Variants in FGF14 observed in about 807,000 individuals in gnomAD.
The protein encoded by FGF14 is fibroblast growth factor 14, also known as fibroblast growth factor homologous factor 4.
A neutral mutation model predicts 25.5 loss-of-function variants in FGF14; 5 were observed. The ratio of observed to expected loss-of-function variants is 0.20; its 90% CI spans 0.10 to 0.41. FGF14 has a LOEUF of 0.41. FGF14 is among the 10% of genes least tolerant of loss of function. The probability of loss-of-function intolerance (pLI) is 1.00; values close to 1 mark genes in which losing one functional copy is unlikely to be tolerated. For missense variants in FGF14, 222 were observed against 320.1 expected (o/e 0.69, Z 2.34); for synonymous variants, 138 against 118.3 (o/e 1.17, Z -1.08).
chr13:102,149,462 T>C (rs1470040680), intron 1 of FGF14, among the ~76,000 whole-genome samples: 1 of 152,198 alleles, frequency 6.6e-6, no homozygotes, highest in African/African-American at 2.4e-5. Context: ...CTGAAGACCC[T>C]GACATCACAC....
intron 1 of FGF14, among the ~76,000 whole-genome samples, chr13:102,042,858 T>C (rs1302443357): frequency 6.6e-6 from 1 of 152,230 alleles, no homozygotes; most frequent in African/African-American, 2.4e-5. Context: ...TAGTTGGGGC[T>C]GCACAATTCT....
intron 1 of FGF14, among the ~76,000 whole-genome samples, chr13:102,370,324 GA>G (rs369716828): frequency 7.4e-4 from 113 of 152,176 alleles, no homozygotes; most frequent in African/African-American, 2.6e-3. Flanking sequence ...ATTAAAAAAT[GA>G]AAAGAACTAT....
chr13:102,001,909 G>C (rs1337591863), intron 1 of FGF14, among the ~76,000 whole-genome samples: 1 of 151,656 alleles, frequency 6.6e-6, no homozygotes. Context: ...GTGGGAACCA[G>C]AGACCCTGAG....
At chr13:101,791,211 C>A (rs2040214522) in intron 3 of FGF14, among the ~76,000 whole-genome samples, 3 of 152,276 alleles carry the variant, frequency 2.0e-5, no homozygotes, top group South Asian at 2.1e-4. Flanking sequence ...GCACTTCCTA[C>A]TTCAAAGGGT....
Position 101,713,067 on chromosome 13 carries a change from T to A in FGF14, c.*9764A>T, listed in dbSNP as rs1172233480. The A allele has an allele frequency of 6.6e-6, 1 of 152,214 alleles. No homozygotes were observed. Among genetic ancestry groups the A allele is most frequent in the Non-Finnish European group, 1.5e-5 (1 of 68,026 alleles). 9.4% of individuals were successfully genotyped at this position (152,214 alleles called of 1,614,324 possible). On this transcript the variant is annotated 3_prime_UTR_variant, in exon 5 of 5. Transcript: ENST00000376143. ...CTACGCAAGAAGTTAAAAAACACAATTGTCACAATCTAAATAATTCTGACT... is the reference window on the plus strand; with the variant it reads ...CTACGCAAGAAGTTAAAAAACACAAATGTCACAATCTAAATAATTCTGACT...
chr13:101,987,380 T>C (rs911402144), intron 1 of FGF14, among the ~76,000 whole-genome samples: 5 of 152,070 alleles, frequency 3.3e-5, no homozygotes, highest in African/African-American at 1.2e-4. Flanking sequence ...CCATTTGCCA[T>C]GATGTTTGCT....
At chr13:101,993,227 C>A in intron 1 of FGF14, among the ~76,000 whole-genome samples, 1 of 149,394 alleles carries the variant, frequency 6.7e-6, no homozygotes. Context: ...AAAACAACTA[C>A]CAACCTGGAA....
chr13:102,261,322 G>A (rs996820990), intron 1 of FGF14, among the ~76,000 whole-genome samples: 6 of 152,184 alleles, frequency 3.9e-5, no homozygotes, highest in African/African-American at 1.4e-4. Context: ...GTTGGATGTT[G>A]TAGAAGAAAA....
intron 1 of FGF14, among the ~76,000 whole-genome samples, chr13:102,151,401 C>T (rs114011028): frequency 3.3e-5 from 5 of 152,088 alleles, no homozygotes; most frequent in African/African-American, 4.8e-5. Flanking sequence ...CATCTTCTTA[C>T]GCCTTATTTT....
intron 1 of FGF14, among the ~76,000 whole-genome samples, chr13:102,155,304 A>G (rs1188225925): frequency 2.0e-5 from 3 of 152,260 alleles, no homozygotes; most frequent in Non-Finnish European, 4.4e-5. Flanking sequence ...AGAAATTATA[A>G]CAAACTGTCT....
intron 1 of FGF14, among the ~76,000 whole-genome samples, chr13:102,157,524 C>G (rs2047402284): frequency 6.6e-6 from 1 of 152,160 alleles, no homozygotes; most frequent in African/African-American, 2.4e-5. Flanking sequence ...GTATTAAAGA[C>G]TTAAATGTTA....
At chr13:102,393,507 A>G (rs2058485547) in intron 1 of FGF14, among the ~76,000 whole-genome samples, 1 of 152,226 alleles carries the variant, frequency 6.6e-6, no homozygotes, top group Non-Finnish European at 1.5e-5. Flanking sequence ...GAGGTTTATA[A>G]AAAAGATTTA....
intron 2 of FGF14, among the ~76,000 whole-genome samples, chr13:101,874,323 AT>A (rs1002359043): frequency 2.0e-5 from 3 of 152,304 alleles, no homozygotes; most frequent in African/African-American, 7.2e-5. Flanking sequence ...TAAGACATAC[AT>A]TAATGAAAAA....
intron 1 of FGF14, among the ~76,000 whole-genome samples, chr13:102,150,937 T>C (rs375308676): frequency 1.3e-5 from 2 of 152,218 alleles, no homozygotes; most frequent in East Asian, 3.9e-4. Flanking sequence ...CCAACTGAAG[T>C]AGGGAGTTTA....
At position 101,720,729 on chromosome 13, in the gene FGF14, T is replaced by TTAAC. The variant is rs1210321183; in HGVS notation, c.*2098_*2101dup. ...GTTAATGGAAGTTATCTAATATATT[T>TTAAC]TAACTGTTCCTGTTAAAAACAATAG... On this transcript the variant is annotated 3_prime_UTR_variant, in exon 5 of 5. Coordinates refer to ENST00000376143, the MANE Select transcript of FGF14 (RefSeq NM_004115.4). 1 of 150,118 alleles carries TTAAC rather than the reference T, an allele frequency of 6.7e-6. No individual in the cohort carries two copies. Among genetic ancestry groups the TTAAC allele is most frequent in the African/African-American group, 2.5e-5 (1 of 39,452 alleles). The allele number at this position is 150,118 out of a possible 1,614,324, so 9.3% of individuals were successfully genotyped here. A position where few individuals can be genotyped will look rare whatever the true frequency, so the allele number is the denominator to read the frequency against.
chr13:101,723,465 A>G (rs1210019912), intron 4 of FGF14, among the ~76,000 whole-genome samples: 1 of 152,088 alleles, frequency 6.6e-6, no homozygotes, highest in Non-Finnish European at 1.5e-5. Flanking sequence ...TTCAAAAGCA[A>G]CATAGTCATA....
chr13:101,879,826 G>C (rs867814338), intron 1 of FGF14, among the ~76,000 whole-genome samples: 1 of 152,046 alleles, frequency 6.6e-6, no homozygotes, highest in South Asian at 2.1e-4. Context: ...AAATGTGGCA[G>C]ATCTAATTAG....
chr13:102,096,052 T>TC (rs1595257699), intron 1 of FGF14, among the ~76,000 whole-genome samples: 1 of 150,414 alleles, frequency 6.6e-6, no homozygotes, highest in Non-Finnish European at 1.5e-5. Context: ...GAGGACATTG[T>TC]TTTGTATCTT....
intron 1 of FGF14, among the ~76,000 whole-genome samples, chr13:102,190,260 G>A (rs564388697): frequency 4.6e-5 from 7 of 152,174 alleles, no homozygotes; most frequent in East Asian, 1.9e-4. Flanking sequence ...ATTGACATAC[G>A]CTTTAGGACA....
Sources: gnomAD v4.1 joint callset for allele counts (sites outside exome capture counted in the v4.1 genomes callset) on GRCh38, gnomAD v4.1.1 for gene constraint, MANE v1.5 for transcripts, NCBI Gene and HGNC (gene_info 2026-07-23, HGNC 2026-07-21) for gene names.